The following ADAMTS20 variants were observed in gnomAD, a reference collection of about 807,000 sequenced individuals.
ADAMTS20 encodes the protein A disintegrin and metalloproteinase with thrombospondin motifs 20.
Under a neutral mutation model 260.1 loss-of-function variants are expected in ADAMTS20, and 225 were observed. The observed-to-expected ratio is 0.87, with a 90% CI of 0.78 to 0.97. ADAMTS20 has a LOEUF of 0.97. ADAMTS20 is among the 50% of genes least tolerant of loss of function. The pLI is 0.00. For missense variants in ADAMTS20, 2,400 were observed against 2,337.7 expected, an observed-to-expected ratio of 1.03 and a Z score of -0.55; for synonymous variants, 802 against 769.5, an observed-to-expected ratio of 1.04 and a Z score of -0.70.
At chr12:43,427,663 T>C (rs529565037) in intron 26 of ADAMTS20, among the ~76,000 whole-genome samples, 194 bp from the exon 27 acceptor site, 49 of 152,334 alleles carry the variant, frequency 3.2e-4, no homozygotes, top group Non-Finnish European at 5.4e-4. Flanking sequence ...CATTAGAATT[T>C]GTTGATGAAA....
At chr12:43,405,406 AGAC>A (rs1331412767) in intron 28 of ADAMTS20, among the ~76,000 whole-genome samples, 2 of 133,802 alleles carry the variant, frequency 1.5e-5, no homozygotes, top group Non-Finnish European at 3.1e-5. Context: ...CAACAGAAGA[AGAC>A]GTCTTCTCTA....
intron 3 of ADAMTS20, among the ~76,000 whole-genome samples, chr12:43,507,673 C>A (rs1942865838): frequency 6.6e-6 from 1 of 152,120 alleles, no homozygotes; most frequent in South Asian, 2.1e-4. Flanking sequence ...CTGACAGAGA[C>A]TAAACTAGAA....
intron 27 of ADAMTS20, 71 bp downstream of exon 27, chr12:43,427,237 A>G: frequency 5.2e-6 from 8 of 1,532,904 alleles, no homozygotes; most frequent in Non-Finnish European, 7.1e-6. Context: ...ATTGAACAGT[A>G]TAAGATGCTT....
chr12:43,495,172 C>G (rs1006122002), intron 4 of ADAMTS20, among the ~76,000 whole-genome samples: 1 of 152,138 alleles, frequency 6.6e-6, no homozygotes, highest in Non-Finnish European at 1.5e-5. Context: ...AGTGACAAAT[C>G]TGCAAGCTAG....
rs780705641 is a variant in ADAMTS20, at chr12:43,464,599, G to A, written c.1501C>T (p.Pro501Ser). ...LAFGPGSQMC[P>S]HINICMHLWC... ...GAATTTTCTTTTCTTACTATATGGG[G>A]ACACATTTGTGACCCAGGACCAAAC... The change falls in exon 10 of 39, where the codon CCC becomes TCC. Residue 501 changes from proline to serine, a missense_variant. By Grantham distance (74) the Pro-to-Ser change is moderately conservative. Coordinates refer to ENST00000389420, the MANE Select transcript of ADAMTS20 (RefSeq NM_025003.5). 6.2e-7 allele frequency: 1 copy of A among 1,612,126 alleles called. No homozygotes were observed. Among genetic ancestry groups the A allele is most frequent in the South Asian group, 1.1e-5 (1 of 90,872 alleles).
Position 43,383,718 on chromosome 12 carries a change from G to A in ADAMTS20, c.4637C>T (p.Ser1546Leu), listed in dbSNP as rs1940406442. ...TTGATGTGAATCTTTTCTCTCACAT[G>A]ATGTTGAACACTAGAAATGCAATAA... Reference protein sequence around the residue: ...MERGRLNCSTSCERKDSHQRM... With the variant: ...MERGRLNCSTLCERKDSHQRM... Residue 1546 changes from serine to leucine, a missense_variant, in exon 31 of 39, where the codon TCA becomes TTA. Coordinates refer to ENST00000389420, the MANE Select transcript of ADAMTS20 (RefSeq NM_025003.5). The A allele has an allele frequency of 6.2e-7, 1 of 1,613,674 alleles. No homozygotes were observed. Among genetic ancestry groups the A allele is most frequent in the Non-Finnish European group, 8.5e-7 (1 of 1,179,802 alleles).
At chr12:43,477,137 A>G (rs954930759) in intron 7 of ADAMTS20, among the ~76,000 whole-genome samples, 2 of 151,998 alleles carry the variant, frequency 1.3e-5, no homozygotes, top group African/African-American at 2.4e-5. Flanking sequence ...TCATCATCAC[A>G]TTATACGTTT....
Position 43,524,866 on chromosome 12 carries a change from T to C in ADAMTS20, c.613+7170A>G, listed in dbSNP as rs115930395. 6.1e-3 allele frequency among the ~76,000 whole-genome samples: 922 copies of C among 152,254 alleles called. 12 individuals are homozygous for C. Among genetic ancestry groups the C allele is most frequent in the African/African-American group, 0.021 (877 of 41,556 alleles). ...CAGCTTCTAAGATTATGTAAAACAA[T>C]CCAAGTCTGGGATTAGGTAAAATAG... On this transcript the variant is annotated intron_variant, in intron 3 of 38. Coordinates refer to ENST00000389420, the MANE Select transcript of ADAMTS20 (RefSeq NM_025003.5).
intron 2 of ADAMTS20, among the ~76,000 whole-genome samples, chr12:43,536,519 A>G (rs1259590055): frequency 6.6e-6 from 1 of 151,260 alleles, no homozygotes; most frequent in African/African-American, 2.4e-5. Context: ...AAAATAAAAT[A>G]AGGAGAGAGA....
intron 28 of ADAMTS20, among the ~76,000 whole-genome samples, chr12:43,401,157 T>C (rs1940802093): frequency 6.6e-6 from 1 of 151,966 alleles, no homozygotes; most frequent in Non-Finnish European, 1.5e-5. Context: ...CTTTCTAGGA[T>C]ATTTGTAAGT....
chr12:43,364,308 C>A lies in ADAMTS20; in HGVS notation c.5538+4982G>T, dbSNP rs550635438. ...AGTACCTGAAATGTCCAGTTTTCAACAAAATTTATGAGGCATACAAAGCAT... is the reference window on the plus strand; with the variant it reads ...AGTACCTGAAATGTCCAGTTTTCAAAAAAATTTATGAGGCATACAAAGCAT... On this transcript the variant is annotated intron_variant, in intron 37 of 38. Transcript: ENST00000389420. Among the ~76,000 whole-genome samples, 5 of 152,088 alleles carry A rather than the reference C, an allele frequency of 3.3e-5. 1 individual carries two copies. The highest frequency in any genetic ancestry group is 1.2e-4 in the African/African-American group (5 of 41,490).
chr12:43,469,548 C>T (rs1025149820), intron 7 of ADAMTS20, among the ~76,000 whole-genome samples: 1 of 152,100 alleles, frequency 6.6e-6, no homozygotes, highest in African/African-American at 2.4e-5. Flanking sequence ...TTAACATAAT[C>T]CCATGATTTT....
intron 2 of ADAMTS20, among the ~76,000 whole-genome samples, chr12:43,541,766 G>T (rs200341958): frequency 1.0e-4 from 12 of 118,558 alleles, no homozygotes; most frequent in Admixed American, 5.4e-4. Flanking sequence ...TAAGGGTTTT[G>T]TTTTGTTTTG....
At chr12:43,447,508 G>A (rs1047057101) in intron 14 of ADAMTS20, among the ~76,000 whole-genome samples, 15 of 151,896 alleles carry the variant, frequency 9.9e-5, no homozygotes, top group African/African-American at 2.4e-4. Context: ...TAATCAGAGC[G>A]ATCTATGACA....
intron 7 of ADAMTS20, among the ~76,000 whole-genome samples, chr12:43,489,565 T>TA (rs927002962): frequency 6.6e-6 from 1 of 151,528 alleles, no homozygotes; most frequent in Non-Finnish European, 1.5e-5. Flanking sequence ...ACATTTAGAC[T>TA]AAAAAAAAGA....
Position 43,530,502 on chromosome 12 carries a change from T to G in ADAMTS20, c.613+1534A>C, listed in dbSNP as rs931399748. On this transcript the variant is annotated intron_variant, in intron 3 of 38. Transcript: ENST00000389420. ...CGGCCTTAGACACAGTGAGAACCAC[T>G]CTAAAGGTTAAGAAGTTCATTCCCA... Among the ~76,000 whole-genome samples, 6 of 152,286 alleles carry G rather than the reference T, an allele frequency of 3.9e-5. No homozygotes were observed. The South Asian group carries it at 6.2e-4, about 16-fold the overall frequency.
intron 36 of ADAMTS20, among the ~76,000 whole-genome samples, chr12:43,375,094 C>T (rs1592033343): frequency 6.7e-6 from 1 of 149,546 alleles, no homozygotes; most frequent in South Asian, 2.1e-4. Context: ...ATCGCTTGAA[C>T]CCAGGAAGTG....
chr12:43,372,546 C>T (rs993914775), intron 36 of ADAMTS20, among the ~76,000 whole-genome samples: 1 of 152,132 alleles, frequency 6.6e-6, no homozygotes, highest in African/African-American at 2.4e-5. Context: ...CACAAAGAAA[C>T]TGGTCAGTGG....
rs1467117439 is a variant in ADAMTS20 at position 43,502,319 on chromosome 12, C to T, written c.700G>A (p.Gly234Arg). 5.0e-6 allele frequency: 8 copies of T among 1,610,508 alleles called. No individual in the cohort carries two copies. The highest frequency in any genetic ancestry group is 6.8e-6 in the Non-Finnish European group (8 of 1,178,820). ...AATGGTACATTTTTTGATGTGTGTC[C>T]TAAAACTCTTTCTTTCATTACATTA... ...DLNVMKERVL[G>R]HTSKNVPLKD... Residue 234 changes from glycine to arginine, a missense_variant, in exon 4 of 39, where the codon GGA becomes AGA. Physicochemically the swap from Gly to Arg is moderately radical, Grantham distance 125. Transcript: ENST00000389420.
Sources: gnomAD v4.1 joint callset for allele counts (sites outside exome capture counted in the v4.1 genomes callset) on GRCh38, gnomAD v4.1.1 for gene constraint, MANE v1.5 for transcripts, NCBI Gene and HGNC (gene_info 2026-07-23, HGNC 2026-07-21) for gene names.